Variants in WWOX observed in about 807,000 individuals in gnomAD.
The protein encoded by WWOX is WW domain containing oxidoreductase, also known as WW domain-containing oxidoreductase.
Under a neutral mutation model 46.2 loss-of-function variants are expected in WWOX, and 69 were observed. The ratio of observed to expected loss-of-function variants is 1.49; its 90% CI spans 1.23 to 1.82. The LOEUF (loss-of-function observed/expected upper bound fraction) is 1.82, where lower values mean the gene tolerates loss of function less well. WWOX is among the 40% of genes most tolerant of loss of function. WWOX has a pLI of 0.00. For synonymous variants in WWOX, 359 were observed against 202.6 expected (o/e 1.77, Z -6.56); for missense variants, 919 against 542.6 (o/e 1.69, Z -6.89).
chr16:78,412,259 T>C (rs1261328232), intron 6 of WWOX, among the ~76,000 whole-genome samples: 2 of 152,108 alleles, frequency 1.3e-5, no homozygotes, highest in Non-Finnish European at 2.9e-5. Context: ...TATCAGCCAT[T>C]ACAGAAATAA....
At chr16:78,738,616 T>A (rs1405396522) in intron 8 of WWOX, among the ~76,000 whole-genome samples, 3 of 152,212 alleles carry the variant, frequency 2.0e-5, no homozygotes, top group Non-Finnish European at 2.9e-5. Context: ...AACAGCCATT[T>A]ATATTTTTGT....
At chr16:79,076,941 T>G (rs906413626) in intron 8 of WWOX, among the ~76,000 whole-genome samples, 5 of 152,224 alleles carry the variant, frequency 3.3e-5, no homozygotes, top group African/African-American at 1.2e-4. Flanking sequence ...AAAGGTGGTA[T>G]TATTATTCTT....
intron 7 of WWOX, among the ~76,000 whole-genome samples, chr16:78,426,373 A>G (rs527407837): frequency 6.6e-6 from 1 of 152,186 alleles, no homozygotes; most frequent in Non-Finnish European, 1.5e-5. Context: ...ATGGGAGATT[A>G]TGTCGAATTG....
In WWOX at chr16:78,178,382, C is replaced by G. The variant is rs534250649; in HGVS notation, c.516+14093C>G. ...GGACAGTTGGAAATGTCACTGTGGC[C>G]CCACAGACCTTGTTGTCAAGCAGGC... is the stretch of plus-strand genomic sequence containing the variant. On this transcript the variant is annotated intron_variant, in intron 5 of 8. Transcript: ENST00000566780. 6.6e-5 allele frequency among the ~76,000 whole-genome samples: 10 copies of G among 152,284 alleles called. No individual in the cohort carries two copies. In the South Asian group the frequency reaches 1.9e-3, roughly 28 times the overall value.
chr16:78,555,585 CTT>C (rs5818153), intron 8 of WWOX, among the ~76,000 whole-genome samples: 4 of 140,978 alleles, frequency 2.8e-5, no homozygotes, highest in African/African-American at 5.2e-5. Context: ...AGGAGTGCCA[CTT>C]TTTTTTTTTT....
chr16:78,664,972 G>T (rs17795127), intron 8 of WWOX, among the ~76,000 whole-genome samples: 3,336 of 152,274 alleles, frequency 0.022, 46 homozygotes, highest in East Asian at 0.065. Context: ...AATGAACTTG[G>T]GAAGGTTTGC....
chr16:78,298,544 C>T (rs993775191), intron 5 of WWOX, among the ~76,000 whole-genome samples: 1 of 152,114 alleles, frequency 6.6e-6, no homozygotes, highest in African/African-American at 2.4e-5. Flanking sequence ...GTAATCCCCG[C>T]AGTTTGGGAG....
chr16:78,537,619 G>T (rs556621129), intron 8 of WWOX, among the ~76,000 whole-genome samples: 2 of 152,100 alleles, frequency 1.3e-5, no homozygotes, highest in African/African-American at 2.4e-5. Context: ...CATACAGATA[G>T]GCTCGAAGAA....
intron 8 of WWOX, among the ~76,000 whole-genome samples, chr16:78,994,969 C>CTTTTTTTTTTTTTTTTTTTTTTTTTCTT (rs869088414): frequency 8.7e-6 from 1 of 114,644 alleles, no homozygotes; most frequent in Non-Finnish European, 1.7e-5. Flanking sequence ...TCTTCTTCTT[C>CTTTTTTTTTTTTTTTTTTTTTTTTTCTT]TTTTTTTTTT....
chr16:78,132,681 T>A (rs1357512154), intron 4 of WWOX, among the ~76,000 whole-genome samples: 1 of 152,162 alleles, frequency 6.6e-6, no homozygotes, highest in Non-Finnish European at 1.5e-5. Context: ...GTGGGCAGAT[T>A]TCTTTTACAG....
chr16:78,830,081 C>G (rs1597686114), intron 8 of WWOX, among the ~76,000 whole-genome samples: 1 of 151,796 alleles, frequency 6.6e-6, no homozygotes, highest in Non-Finnish European at 1.5e-5. Context: ...AACATAGTAA[C>G]ATAGGGAGAC....
chr16:79,116,479 C>A (rs547908787), intron 8 of WWOX, among the ~76,000 whole-genome samples: 5 of 152,156 alleles, frequency 3.3e-5, no homozygotes, highest in Non-Finnish European at 7.3e-5. Context: ...GTTCAGTGTT[C>A]GCCTTCAGGA....
chr16:78,255,265 G>C (rs1346486793), intron 5 of WWOX, among the ~76,000 whole-genome samples: 2 of 152,172 alleles, frequency 1.3e-5, no homozygotes, highest in Non-Finnish European at 2.9e-5. Context: ...TTACAGAACA[G>C]CTCCTAGGTT....
intron 8 of WWOX, among the ~76,000 whole-genome samples, chr16:78,695,825 G>C (rs912479973): frequency 6.6e-6 from 1 of 152,180 alleles, no homozygotes; most frequent in African/African-American, 2.4e-5. Context: ...AATGTCCCAT[G>C]GGTGTGCATC....
chr16:78,482,981 G>C (rs1228564508), intron 8 of WWOX, among the ~76,000 whole-genome samples: 1 of 152,124 alleles, frequency 6.6e-6, no homozygotes, highest in Non-Finnish European at 1.5e-5. Flanking sequence ...TATGCATGTT[G>C]TGGGCCCACT....
intron 8 of WWOX, among the ~76,000 whole-genome samples, chr16:78,877,841 G>T (rs891275450): frequency 6.6e-6 from 1 of 152,122 alleles, no homozygotes; most frequent in East Asian, 1.9e-4. Flanking sequence ...AGCAACATAG[G>T]TAGTTTTATA....
At chr16:78,356,445 C>T (rs1468023432) in intron 5 of WWOX, among the ~76,000 whole-genome samples, 4 of 152,130 alleles carry the variant, frequency 2.6e-5, no homozygotes, top group African/African-American at 9.7e-5. Context: ...TCTCAGTCCC[C>T]AGGCAGGAAG....
At chr16:78,100,027 G>A in intron 1 of WWOX, 142 bp downstream of exon 1, 2 of 1,451,136 alleles carry the variant, frequency 1.4e-6, no homozygotes, top group South Asian at 1.4e-5. Flanking sequence ...TCAGGGAAAA[G>A]GGTCCAGGGT....
chr16:79,160,231 T>C (rs2050458784), intron 8 of WWOX, among the ~76,000 whole-genome samples: 1 of 152,162 alleles, frequency 6.6e-6, no homozygotes, highest in Non-Finnish European at 1.5e-5. Flanking sequence ...GGGAAGAGTG[T>C]TTTGATGTAT....
Sources: allele counts gnomAD v4.1 joint callset (sites outside exome capture counted in the v4.1 genomes callset), GRCh38; gene constraint gnomAD v4.1.1; transcripts MANE v1.5; gene names NCBI Gene and HGNC (gene_info 2026-07-23, HGNC 2026-07-21).